The following NXPH3 variants were observed in gnomAD, a reference collection of about 807,000 sequenced individuals.
NXPH3 encodes the protein neurexophilin-3.
In NXPH3, 7 loss-of-function variants were observed where a neutral mutation model predicts 18.8. The ratio of observed to expected loss-of-function variants is 0.37; its 90% CI spans 0.21 to 0.70. The LOEUF (loss-of-function observed/expected upper bound fraction) is 0.70, where lower values mean the gene tolerates loss of function less well. Among genes scored for constraint, NXPH3 ranks in the 30% least tolerant of loss-of-function variants. The pLI is 0.53. For missense variants in NXPH3, 282 were observed against 338.1 expected (o/e 0.83, Z 1.30); for synonymous variants, 101 against 137.3 (o/e 0.74, Z 1.85).
rs2071580629 is a variant in NXPH3, at chr17:49,578,250, A to G, written c.55-346A>G. Among the ~76,000 whole-genome samples the G allele has an allele frequency of 6.6e-6, 1 of 152,232 alleles. No individual in the cohort carries two copies. The highest frequency in any genetic ancestry group is 2.4e-5 in the African/African-American group (1 of 41,450). ...AATTAGATGGGGGCTCCCCAAGATC[A>G]GAAGCTGGGCTTCCCCCATCAGACT... On this transcript the variant is annotated intron_variant, in intron 1 of 1. Coordinates refer to ENST00000328741, the MANE Select transcript of NXPH3 (RefSeq NM_007225.4). This position sits in a 1 kb window ranked among gnomAD's most constrained non-coding sequence, Gnocchi z 4.5.
rs1446544551 is a variant in NXPH3 at position 49,575,972 on chromosome 17, CG to C, written c.-244del. On this transcript the variant is annotated 5_prime_UTR_variant, in exon 1 of 2. Transcript: ENST00000328741. The surrounding 1 kb of genome is among the most constrained non-coding windows in gnomAD (Gnocchi z 4.3). ...CGCAGCTGGGGCCCTTCGAGGCGCT[CG>C]GGGCGCACATCTGGGACCTCGAGCG... 6.4e-6 allele frequency: 3 copies of C among 469,440 alleles called. No individual in the cohort carries two copies. The highest frequency in any genetic ancestry group is 6.3e-5 in the African/African-American group (3 of 47,448). 29.1% of individuals were successfully genotyped at this position (469,440 alleles called of 1,614,324 possible). A position where few individuals can be genotyped will look rare whatever the true frequency, so the allele number is the denominator to read the frequency against.
chr17:49,579,165 C>T lies in NXPH3; in HGVS notation c.624C>T (p.Ala208=). ...CCCGAGACCACGCTCAGAGCTCAGC[C>T]ACCTGGAGCTGCTCCCAGCCCTTCA... The part of the protein sequence containing the change: ...ICSRDHAQSS[A]TWSCSQPFKV... The change falls in exon 2 of 2, where the codon GCC becomes GCT. Residue 208 remains alanine, a synonymous_variant. Coordinates refer to ENST00000328741, the MANE Select transcript of NXPH3 (RefSeq NM_007225.4). The surrounding 1 kb of genome is among the most constrained non-coding windows in gnomAD (Gnocchi z 6.0). The T allele has an allele frequency of 6.2e-7, 1 of 1,613,480 alleles. No individual in the cohort carries two copies. The highest frequency in any genetic ancestry group is 8.5e-7 in the Non-Finnish European group (1 of 1,180,050).
chr17:49,582,172 C>T lies in NXPH3; in HGVS notation c.*2872C>T. 2.3e-6 allele frequency: 1 copy of T among 434,904 alleles called. No homozygotes were observed. Among genetic ancestry groups the T allele is most frequent in the Non-Finnish European group, 4.1e-6 (1 of 245,422 alleles). The allele number at this position is 434,904 out of a possible 1,614,324, so 26.9% of individuals were successfully genotyped here. A position where few individuals can be genotyped will look rare whatever the true frequency, so the allele number is the denominator to read the frequency against. On this transcript the variant is annotated 3_prime_UTR_variant, in exon 2 of 2. Coordinates refer to ENST00000328741, the MANE Select transcript of NXPH3 (RefSeq NM_007225.4). ...ACGTCACCTCTGCCCCATTGGCGAG[C>T]AGTGTCCCCATGGTGATGCCCCCCC...
Position 49,583,200 on chromosome 17 carries a change from T to C in NXPH3, c.*3900T>C, listed in dbSNP as rs978597091. ...GATTGTAGAGACACAATGAAACAGTTGCTCTGTGTTGGGAAGTGATCCAGT... is the reference window on the plus strand; with the variant it reads ...GATTGTAGAGACACAATGAAACAGTCGCTCTGTGTTGGGAAGTGATCCAGT... On this transcript the variant is annotated 3_prime_UTR_variant, in exon 2 of 2. Coordinates refer to ENST00000328741, the MANE Select transcript of NXPH3 (RefSeq NM_007225.4). 7 of 152,346 alleles carry C rather than the reference T, an allele frequency of 4.6e-5. No homozygotes were observed. The highest frequency in any genetic ancestry group is 1.7e-4 in the African/African-American group (7 of 41,428). The allele number at this position is 152,346 out of a possible 1,614,324, so 9.4% of individuals were successfully genotyped here.
In NXPH3 at chr17:49,581,769, C is replaced by T; in HGVS notation, c.*2469C>T. ...GGCCAGAGGCCCTGGGCGCCCTCCC[C>T]ACCTCCCCTGGCTGAACTCTCAGCA... On this transcript the variant is annotated 3_prime_UTR_variant, in exon 2 of 2. Coordinates refer to ENST00000328741, the MANE Select transcript of NXPH3 (RefSeq NM_007225.4). 1.4e-6 allele frequency: 1 copy of T among 702,020 alleles called. No homozygotes were observed. The highest frequency in any genetic ancestry group is 2.6e-6 in the Non-Finnish European group (1 of 384,708). 43.5% of individuals were successfully genotyped at this position (702,020 alleles called of 1,614,324 possible).
chr17:49,577,275 C>G (rs569139040), intron 1 of NXPH3, among the ~76,000 whole-genome samples: 1 of 152,298 alleles, frequency 6.6e-6, no homozygotes, highest in East Asian at 1.9e-4. Flanking sequence ...CAGACTCGGC[C>G]ACAGCACACA....
At chr17:49,576,375 C>A in intron 1 of NXPH3, 102 bp downstream of exon 1, 1 of 1,317,628 alleles carries the variant, frequency 7.6e-7, no homozygotes, top group Non-Finnish European at 1.1e-6. Context: ...CTTCCCCCGA[C>A]ATCCCGGGGA....
At position 49,581,815 on chromosome 17, in the gene NXPH3, C is replaced by G. The variant is rs756242973; in HGVS notation, c.*2515C>G. On this transcript the variant is annotated 3_prime_UTR_variant, in exon 2 of 2. Transcript: ENST00000328741. ...CAGCAGGCACTGGGGGCACTTTGAC[C>G]CCCCTCCTGCTCCTCTCCTCCTGTG... 7.1e-6 allele frequency: 5 copies of G among 701,350 alleles called. No homozygotes were observed. The highest frequency in any genetic ancestry group is 2.7e-5 in the East Asian group (1 of 37,280). 43.4% of individuals were successfully genotyped at this position (701,350 alleles called of 1,614,324 possible).
chr17:49,576,768 G>T (rs1162241236), intron 1 of NXPH3, among the ~76,000 whole-genome samples: 2 of 50,032 alleles, frequency 4.0e-5, no homozygotes, highest in Non-Finnish European at 7.7e-5. Context: ...CTCCCTCCCC[G>T]CCTGTTGTTT....
rs888236850 is a variant in NXPH3, at chr17:49,583,701, G to T, written c.*4401G>T. On this transcript the variant is annotated 3_prime_UTR_variant, in exon 2 of 2. Transcript: ENST00000328741. ...ATCCTGGGTCTGTAATTTATTAGAC[G>T]TGTGGCTTTGGACAAATGACATAAT... is the stretch of plus-strand genomic sequence containing the variant. 3.3e-5 allele frequency: 5 copies of T among 152,238 alleles called. No individual in the cohort carries two copies. Among genetic ancestry groups the T allele is most frequent in the African/African-American group, 1.2e-4 (5 of 41,464 alleles). The allele number at this position is 152,238 out of a possible 1,614,324, so 9.4% of individuals were successfully genotyped here. A position where few individuals can be genotyped will look rare whatever the true frequency, so the allele number is the denominator to read the frequency against.
rs149570504 is a variant in NXPH3 at position 49,578,684 on chromosome 17, G to A, written c.143G>A (p.Arg48Gln). ...GGCCAGCCCCGGCCCCGGGTGCCTCGGAAGCGGGGCCACATCTCACCTAAG... is the reference window on the plus strand; with the variant it reads ...GGCCAGCCCCGGCCCCGGGTGCCTCAGAAGCGGGGCCACATCTCACCTAAG... ...HEGQPRPRVP[R>Q]KRGHISPKSR... The change falls in exon 2 of 2, where the codon CGG (arginine) becomes CAG (glutamine). Residue 48 changes from arginine to glutamine, a missense_variant. Arg to Gln is a conservative substitution (Grantham distance 43, BLOSUM62 1). Transcript: ENST00000328741. The surrounding 1 kb of genome is among the most constrained non-coding windows in gnomAD (Gnocchi z 4.5). 36 of 1,612,634 alleles carry A rather than the reference G, an allele frequency of 2.2e-5. No individual in the cohort carries two copies. The highest frequency in any genetic ancestry group is 2.8e-5 in the Non-Finnish European group (33 of 1,179,806).
In NXPH3 at chr17:49,582,099, G is replaced by A; in HGVS notation, c.*2799G>A. On this transcript the variant is annotated 3_prime_UTR_variant, in exon 2 of 2. Transcript: ENST00000328741. ...TTGCCAGATACTTCTGTGCCCGCTT[G>A]GTCCTCACAAGGGCAAGGGGTCCAT... 1 of 543,780 alleles carries A rather than the reference G, an allele frequency of 1.8e-6. No homozygotes were observed. The highest frequency in any genetic ancestry group is 2.7e-5 in the South Asian group (1 of 36,740). The allele number at this position is 543,780 out of a possible 1,614,324, so 33.7% of individuals were successfully genotyped here. A position where few individuals can be genotyped will look rare whatever the true frequency, so the allele number is the denominator to read the frequency against.
rs1241576861 is a variant in NXPH3 at position 49,583,397 on chromosome 17, G to C, written c.*4097G>C. 6.6e-6 allele frequency: 1 copy of C among 152,346 alleles called. No individual in the cohort carries two copies. Among genetic ancestry groups the C allele is most frequent in the Admixed American group, 6.5e-5 (1 of 15,290 alleles). 9.4% of individuals were successfully genotyped at this position (152,346 alleles called of 1,614,324 possible). On this transcript the variant is annotated 3_prime_UTR_variant, in exon 2 of 2. Coordinates refer to ENST00000328741, the MANE Select transcript of NXPH3 (RefSeq NM_007225.4). ...ACCTGCCAATTATGCCAAAGTCTTG[G>C]AGTGGCAGCTGGCACCATCACCAAG...
chr17:49,576,757 C>T (rs1181861695), intron 1 of NXPH3, among the ~76,000 whole-genome samples: 4 of 151,172 alleles, frequency 2.6e-5, no homozygotes, highest in Non-Finnish European at 3.0e-5. Context: ...CCTCCCGCTC[C>T]CTCCCTCCCC....
At chr17:49,576,323 G>C (rs1017630640) in intron 1 of NXPH3, 50 bp downstream of exon 1, 5 of 1,540,246 alleles carry the variant, frequency 3.2e-6, no homozygotes, top group Admixed American at 2.0e-5. Flanking sequence ...CCGGAGGATC[G>C]GGGGAGAGCG....
At position 49,575,926 on chromosome 17, in the gene NXPH3, T is replaced by G. The variant is rs1436144119; in HGVS notation, c.-294T>G. The G allele has an allele frequency of 2.7e-6, 1 of 369,906 alleles. No homozygotes were observed. The highest frequency in any genetic ancestry group is 5.3e-5 in the South Asian group (1 of 18,780). The allele number at this position is 369,906 out of a possible 1,614,324, so 22.9% of individuals were successfully genotyped here. On this transcript the variant is annotated 5_prime_UTR_variant, in exon 1 of 2. Coordinates refer to ENST00000328741, the MANE Select transcript of NXPH3 (RefSeq NM_007225.4). This position sits in a 1 kb window ranked among gnomAD's most constrained non-coding sequence, Gnocchi z 4.3. Reference sequence around the variant, plus strand: ...AGCCGAGGGGGGCGCCGAGCGCAGATCTGGAGCAGCAGAGCCACGGCGCAG... The same window carrying G: ...AGCCGAGGGGGGCGCCGAGCGCAGAGCTGGAGCAGCAGAGCCACGGCGCAG...
intron 1 of NXPH3, among the ~76,000 whole-genome samples, 190 bp downstream of exon 1, chr17:49,576,463 G>C (rs939983188): frequency 6.6e-6 from 1 of 151,994 alleles, no homozygotes; most frequent in Admixed American, 6.5e-5. Flanking sequence ...ATAGGGGCGG[G>C]GAGAGGGTGC....
chr17:49,576,392 G>A (rs920981033), intron 1 of NXPH3, 119 bp downstream of exon 1: 3 of 1,172,356 alleles, frequency 2.6e-6, no homozygotes, highest in African/African-American at 3.0e-5. Context: ...GGGATGGCGG[G>A]GAAGACTGGA....
At chr17:49,576,982 C>T (rs895136757) in intron 1 of NXPH3, among the ~76,000 whole-genome samples, 5 of 152,132 alleles carry the variant, frequency 3.3e-5, no homozygotes, top group African/African-American at 1.2e-4. Context: ...ACCGAGCGCC[C>T]GCTGACCCTC....
Sources: allele counts gnomAD v4.1 joint callset (sites outside exome capture counted in the v4.1 genomes callset), GRCh38; gene constraint gnomAD v4.1.1; non-coding constraint Gnocchi (gnomAD v3.1); transcripts MANE v1.5; gene names NCBI Gene and HGNC (gene_info 2026-07-23, HGNC 2026-07-21).